ZNF827: variants seen among roughly 807,000 people sequenced by gnomAD.
The protein encoded by ZNF827 is zinc finger protein 827.
Under a neutral mutation model 102.4 loss-of-function variants are expected in ZNF827, and 13 were observed. That is an observed-to-expected ratio of 0.13 (90% CI 0.08 to 0.20). ZNF827 has a LOEUF of 0.20. ZNF827 is among the 10% of genes least tolerant of loss of function. ZNF827 has a pLI of 1.00. For synonymous variants in ZNF827, 523 were observed against 536.2 expected (o/e 0.98, Z 0.34); for missense variants, 1,103 against 1,344.4 (o/e 0.82, Z 2.81).
At chr4:145,885,633 AG>A in intron 4 of ZNF827, 44 bp downstream of exon 4, 10 of 1,503,366 alleles carry the variant, frequency 6.7e-6, no homozygotes, top group South Asian at 2.8e-5. Context: ...AGAGAGAGAG[AG>A]AGAGAGAGAG....
At chr4:145,863,723 G>T (rs543638631) in intron 5 of ZNF827, among the ~76,000 whole-genome samples, 4 of 146,748 alleles carry the variant, frequency 2.7e-5, no homozygotes, top group African/African-American at 1.0e-4. Flanking sequence ...GCCTGGGTGG[G>T]GGGTGGAGGT....
chr4:145,884,169 T>G (rs1330826833), intron 4 of ZNF827, among the ~76,000 whole-genome samples: 1 of 152,168 alleles, frequency 6.6e-6, no homozygotes, highest in Non-Finnish European at 1.5e-5. Flanking sequence ...TGTGCTTCAC[T>G]GTTACATTCC....
At chr4:145,782,747 G>C (rs2127001776) in intron 8 of ZNF827, among the ~76,000 whole-genome samples, 1 of 152,314 alleles carries the variant, frequency 6.6e-6, no homozygotes, top group South Asian at 2.1e-4. Flanking sequence ...AGTCCTTCAT[G>C]GCCTGGCTTT....
At chr4:145,797,869 G>A (rs1740523207) in intron 8 of ZNF827, among the ~76,000 whole-genome samples, 1 of 152,102 alleles carries the variant, frequency 6.6e-6, no homozygotes. Context: ...AGCCAGCCTA[G>A]AAAATATTTT....
chr4:145,807,793 A>C (rs1235114246), intron 8 of ZNF827, among the ~76,000 whole-genome samples: 1 of 149,632 alleles, frequency 6.7e-6, no homozygotes, highest in Non-Finnish European at 1.5e-5. Context: ...AAAACAAAAA[A>C]CAAAAACAAA....
At chr4:145,846,067 G>C in intron 6 of ZNF827, 54 bp from the exon 7 acceptor site, 1 of 1,559,784 alleles carries the variant, frequency 6.4e-7, no homozygotes, top group South Asian at 1.1e-5. Flanking sequence ...CACTCAACTT[G>C]CATCTTTTAG....
chr4:145,896,517 A>G (rs1579505891), intron 2 of ZNF827, among the ~76,000 whole-genome samples: 1 of 152,316 alleles, frequency 6.6e-6, no homozygotes, highest in East Asian at 1.9e-4. Context: ...CAGGTACAAC[A>G]TATAATTCAG....
chr4:145,828,307 C>T (rs1743877431), intron 7 of ZNF827, among the ~76,000 whole-genome samples: 1 of 152,102 alleles, frequency 6.6e-6, no homozygotes, highest in Non-Finnish European at 1.5e-5. Context: ...CCCCTCCATC[C>T]AGAAAGTAAG....
intron 1 of ZNF827, among the ~76,000 whole-genome samples, chr4:145,919,246 C>G (rs1452869965): frequency 2.0e-5 from 3 of 152,096 alleles, no homozygotes; most frequent in Non-Finnish European, 4.4e-5. Flanking sequence ...AGTTAAGATC[C>G]TGTCTCAAAA....
chr4:145,781,218 G>A (rs201039318), intron 8 of ZNF827, among the ~76,000 whole-genome samples: 5,764 of 66,040 alleles, frequency 0.087, no homozygotes, highest in Middle Eastern at 0.14. Flanking sequence ...AAAAAAAAAA[G>A]AAAAAAAAAG....
chr4:145,893,840 A>G (rs960810959), intron 2 of ZNF827, among the ~76,000 whole-genome samples: 2 of 152,200 alleles, frequency 1.3e-5, no homozygotes, highest in Non-Finnish European at 2.9e-5. Context: ...CCAAATCTAT[A>G]ATGTGTGAAT....
In ZNF827 at chr4:145,886,164, G is replaced by A. The variant is rs548474850; in HGVS notation, c.1267-6C>T. Reference sequence around the variant, plus strand: ...CGATCCTGGTGCTGATGAACCTGACGGAGAAGCAAGAAGAATGAGCTAGCC... The same window carrying A: ...CGATCCTGGTGCTGATGAACCTGACAGAGAAGCAAGAAGAATGAGCTAGCC... On this transcript the variant is annotated splice_polypyrimidine_tract_variant and splice_region_variant and intron_variant, in intron 3 of 14. Coordinates refer to ENST00000508784, the MANE Select transcript of ZNF827 (RefSeq NM_001306215.2). 1.1e-5 allele frequency: 17 copies of A among 1,577,028 alleles called. No homozygotes were observed. Among genetic ancestry groups the A allele is most frequent in the South Asian group, 3.6e-5 (3 of 83,840 alleles).
intron 1 of ZNF827, among the ~76,000 whole-genome samples, chr4:145,930,257 C>T (rs1179596784): frequency 1.3e-5 from 2 of 152,230 alleles, no homozygotes; most frequent in East Asian, 3.8e-4. Context: ...AAGCAGAGTG[C>T]TACTGATCAA....
intron 3 of ZNF827, among the ~76,000 whole-genome samples, chr4:145,889,831 G>C (rs1422034716): frequency 1.3e-5 from 2 of 152,146 alleles, no homozygotes; most frequent in East Asian, 3.9e-4. Flanking sequence ...ACAAAAATTA[G>C]CCAGGCGTGG....
At chr4:145,861,194 G>T (rs1447138892) in intron 5 of ZNF827, among the ~76,000 whole-genome samples, 1 of 152,194 alleles carries the variant, frequency 6.6e-6, no homozygotes, top group Non-Finnish European at 1.5e-5. Context: ...ATATGTTAAA[G>T]GTGAAAGGTT....
At chr4:145,858,245 G>C (rs1245021547) in intron 5 of ZNF827, among the ~76,000 whole-genome samples, 1 of 152,042 alleles carries the variant, frequency 6.6e-6, no homozygotes, top group African/African-American at 2.4e-5. Context: ...GGAGGCTGAG[G>C]CAGGAGGATC....
intron 7 of ZNF827, among the ~76,000 whole-genome samples, chr4:145,826,240 A>G (rs2126512285): frequency 6.6e-6 from 1 of 152,228 alleles, no homozygotes; most frequent in East Asian, 1.9e-4. Flanking sequence ...CTCTAGCCTC[A>G]GTTTCGTCAC....
chr4:145,797,706 C>T (rs1422629523), intron 8 of ZNF827, among the ~76,000 whole-genome samples: 2 of 152,140 alleles, frequency 1.3e-5, no homozygotes, highest in Non-Finnish European at 2.9e-5. Flanking sequence ...AGGCTTGTTT[C>T]GTCAAGTCGT....
At chr4:145,931,202 C>A (rs1238346943) in intron 1 of ZNF827, among the ~76,000 whole-genome samples, 4 of 152,200 alleles carry the variant, frequency 2.6e-5, no homozygotes, top group African/African-American at 9.6e-5. Flanking sequence ...GTGCTTCACA[C>A]ATTATTCTCT....
Sources: allele counts gnomAD v4.1 joint callset (sites outside exome capture counted in the v4.1 genomes callset), GRCh38; gene constraint gnomAD v4.1.1; transcripts MANE v1.5; gene names NCBI Gene and HGNC (gene_info 2026-07-23, HGNC 2026-07-21).